PATJ: variants seen among roughly 807,000 people sequenced by gnomAD.
The protein encoded by PATJ is PATJ crumbs cell polarity complex component.
PATJ carries 190 observed loss-of-function variants against 224.9 expected under a neutral mutation model. The ratio of observed to expected loss-of-function variants is 0.84; its 90% CI spans 0.75 to 0.95. The LOEUF (loss-of-function observed/expected upper bound fraction) is 0.95. PATJ is among the 40% of genes least tolerant of loss of function. PATJ has a pLI of 0.00. For synonymous variants in PATJ, 769 were observed against 820.3 expected (o/e 0.94, Z 1.07); for missense variants, 2,121 against 2,270.3 (o/e 0.93, Z 1.34).
At chr1:61,887,600 G>T (rs749122540) in intron 22 of PATJ, among the ~76,000 whole-genome samples, 17 of 152,122 alleles carry the variant, frequency 1.1e-4, no homozygotes, top group Non-Finnish European at 2.4e-4. Context: ...GGTATACTTG[G>T]CAGAGAACCA....
rs147178989 is a variant in PATJ, at chr1:62,124,231, C to T, written c.5043+1173C>T. On this transcript the variant is annotated intron_variant, in intron 39 of 43. Coordinates refer to ENST00000642238, the MANE Select transcript of PATJ (RefSeq NM_001350145.3). The stretch of plus-strand genomic sequence containing the variant: ...CCAAGTAGCTGAGACTACAGGCACA[C>T]ACCACCACGCCCGGCTAATTTTTGT... Among the ~76,000 whole-genome samples, 918 of 152,082 alleles carry T rather than the reference C, an allele frequency of 6.0e-3. 12 individuals are homozygous for T. The highest frequency in any genetic ancestry group is 0.021 in the African/African-American group (871 of 41,504).
At chr1:62,008,464 T>C (rs935577765) in intron 28 of PATJ, among the ~76,000 whole-genome samples, 1 of 152,196 alleles carries the variant, frequency 6.6e-6, no homozygotes, top group Non-Finnish European at 1.5e-5. Context: ...TCATCCAAAC[T>C]GGGTAACTAC....
intron 9 of PATJ, among the ~76,000 whole-genome samples, chr1:61,792,436 G>A (rs1650077717): frequency 6.6e-6 from 1 of 152,190 alleles, no homozygotes; most frequent in East Asian, 1.9e-4. Flanking sequence ...CTAAGTGAAA[G>A]TGAATGACTG....
rs1007244940 is a variant in PATJ, at chr1:62,046,819, A to T, written c.4033-4147A>T. Among the ~76,000 whole-genome samples the T allele has an allele frequency of 3.9e-5, 6 of 152,272 alleles. 1 individual carries two copies. The South Asian group carries it at 1.2e-3, about 32-fold the overall frequency. On this transcript the variant is annotated intron_variant, in intron 30 of 43. Coordinates refer to ENST00000642238, the MANE Select transcript of PATJ (RefSeq NM_001350145.3). ...TGAATGATAAATTCTGCTTCATTTGATCCTCTAGTTTCTAAGTGTGGGATG... is the reference window on the plus strand; with the variant it reads ...TGAATGATAAATTCTGCTTCATTTGTTCCTCTAGTTTCTAAGTGTGGGATG...
intron 31 of PATJ, among the ~76,000 whole-genome samples, chr1:62,056,165 A>G (rs1283225580): frequency 6.6e-6 from 1 of 152,082 alleles, no homozygotes; most frequent in Non-Finnish European, 1.5e-5. Context: ...ATTTCTGGAA[A>G]CACCCTTCCA....
At chr1:61,874,355 G>A (rs12751966) in intron 20 of PATJ, among the ~76,000 whole-genome samples, 54,877 of 151,840 alleles carry the variant, frequency 0.36, 10,406 homozygotes, top group Non-Finnish European at 0.42. Flanking sequence ...GCACCACCAT[G>A]CCTGGCTAAT....
intron 26 of PATJ, among the ~76,000 whole-genome samples, chr1:61,926,316 A>G (rs1201842189): frequency 6.6e-6 from 1 of 152,248 alleles, no homozygotes; most frequent in African/African-American, 2.4e-5. Context: ...AGACCAGGAC[A>G]TGCTTATTCT....
intron 33 of PATJ, among the ~76,000 whole-genome samples, chr1:62,099,632 C>A (rs1021448153): frequency 1.3e-5 from 2 of 151,994 alleles, no homozygotes; most frequent in African/African-American, 4.8e-5. Context: ...AACATGCCTG[C>A]AAGCAGTGTA....
intron 17 of PATJ, among the ~76,000 whole-genome samples, chr1:61,853,316 C>A (rs1295129541): frequency 6.6e-6 from 1 of 152,056 alleles, no homozygotes; most frequent in East Asian, 1.9e-4. Flanking sequence ...TTTTGAAAAC[C>A]TCCTCACCTA....
chr1:61,843,719 C>CAA (rs60980933), intron 17 of PATJ, among the ~76,000 whole-genome samples: 4,811 of 109,834 alleles, frequency 0.044, 117 homozygotes, highest in Middle Eastern at 0.1. Flanking sequence ...GATCAGGTCT[C>CAA]AAAAAAAAAA....
intron 30 of PATJ, among the ~76,000 whole-genome samples, chr1:62,041,977 A>G (rs771369559): frequency 6.6e-6 from 1 of 151,872 alleles, no homozygotes; most frequent in Non-Finnish European, 1.5e-5. Flanking sequence ...ACAGAGAAAG[A>G]CTCCATCTCA....
At chr1:62,019,098 A>G (rs1234381295) in intron 29 of PATJ, among the ~76,000 whole-genome samples, 1 of 152,108 alleles carries the variant, frequency 6.6e-6, no homozygotes, top group African/African-American at 2.4e-5. Flanking sequence ...ACAAAAAATT[A>G]GCCAGGTGTG....
At chr1:61,766,844 T>A (rs1313126638) in intron 4 of PATJ, among the ~76,000 whole-genome samples, 1 of 152,170 alleles carries the variant, frequency 6.6e-6, no homozygotes, top group African/African-American at 2.4e-5. Context: ...TGTAATTGCA[T>A]CACTTTCTGA....
chr1:61,984,349 A>G (rs1644626413), intron 27 of PATJ, among the ~76,000 whole-genome samples: 2 of 151,362 alleles, frequency 1.3e-5, no homozygotes, highest in South Asian at 4.2e-4. Context: ...TAATAGAGAC[A>G]GGGTTTCACT....
intron 16 of PATJ, chr1:61,833,386 T>C (rs1659663218): frequency 3.8e-6 from 1 of 262,212 alleles, no homozygotes; most frequent in South Asian, 8.2e-5. Flanking sequence ...AGGTCAGTGT[T>C]AATACTTTGA....
At chr1:62,001,053 A>T (rs1183302171) in intron 28 of PATJ, among the ~76,000 whole-genome samples, 2 of 151,562 alleles carry the variant, frequency 1.3e-5, no homozygotes, top group African/African-American at 4.9e-5. Context: ...TTTTTCTTGT[A>T]AATTTGTTTG....
In PATJ at chr1:62,050,994, G is replaced by A; in HGVS notation, c.4061G>A (p.Ser1354Asn). 2 of 1,614,062 alleles carry A rather than the reference G, an allele frequency of 1.2e-6. No homozygotes were observed. The highest frequency in any genetic ancestry group is 1.1e-5 in the South Asian group (1 of 91,082). Residue 1354 changes from serine (S) to asparagine (N), a missense_variant, in exon 31 of 44, where the codon AGT (serine) becomes AAT (asparagine). Transcript: ENST00000642238. ...EDQSGTEPIS[S>N]EEDGSVEVGI... ...CAGAGCGGCACCGAACCTATTAGTA[G>A]TGAGGAAGATGGCAGCGTCGAAGTT...
chr1:61,948,123 T>C lies in PATJ; in HGVS notation c.3670+20294T>C, dbSNP rs1442908233. ...ACCATAAAAACCCTAGAAGAAAACC[T>C]AGGCAATACCATTCAGGACATAGGC... On this transcript the variant is annotated intron_variant, in intron 27 of 43. Coordinates refer to ENST00000642238, the MANE Select transcript of PATJ (RefSeq NM_001350145.3). Among the ~76,000 whole-genome samples, 12 of 152,270 alleles carry C rather than the reference T, an allele frequency of 7.9e-5. No homozygotes were observed. In the East Asian group the frequency reaches 2.3e-3, roughly 29 times the overall value.
At chr1:61,949,310 G>T (rs137918155) in intron 27 of PATJ, among the ~76,000 whole-genome samples, 4 of 151,862 alleles carry the variant, frequency 2.6e-5, no homozygotes, top group East Asian at 1.9e-4. Flanking sequence ...AATTTATATA[G>T]AGAGAAAGCA....
Sources: gnomAD v4.1 joint callset for allele counts (sites outside exome capture counted in the v4.1 genomes callset) on GRCh38, gnomAD v4.1.1 for gene constraint, MANE v1.5 for transcripts, NCBI Gene and HGNC (gene_info 2026-07-23, HGNC 2026-07-21) for gene names.